Variants in EPHA6 observed in about 807,000 individuals in gnomAD.
The protein encoded by EPHA6 is EPH receptor A6, also known as ephrin type-A receptor 6.
In EPHA6, 50 loss-of-function variants were observed where a neutral mutation model predicts 112.0. The observed-to-expected ratio is 0.45, with a 90% CI of 0.36 to 0.56. EPHA6 has a LOEUF of 0.56. Ranked by LOEUF, EPHA6 falls within the 20% of genes least tolerant of loss-of-function variation. The pLI is 0.00. For synonymous variants in EPHA6, 529 were observed against 490.7 expected (o/e 1.08, Z -1.03); for missense variants, 1,280 against 1,417.4 (o/e 0.90, Z 1.56).
At chr3:97,496,586 A>G (rs1196185846) in intron 10 of EPHA6, among the ~76,000 whole-genome samples, 1 of 152,166 alleles carries the variant, frequency 6.6e-6, no homozygotes. Context: ...CTATAAGAAT[A>G]TCTTCTTCTG....
intron 1 of EPHA6, among the ~76,000 whole-genome samples, chr3:96,815,559 G>T (rs181638462): frequency 1.3e-4 from 20 of 152,252 alleles, no homozygotes; most frequent in Admixed American, 3.9e-4. Flanking sequence ...TCCTAGACCA[G>T]ATGCTCCAGA....
chr3:97,563,450 G>T (rs555433380), intron 11 of EPHA6, among the ~76,000 whole-genome samples: 1 of 152,166 alleles, frequency 6.6e-6, no homozygotes. Context: ...GGTCAGAGAC[G>T]TAAACAGGAG....
intron 1 of EPHA6, among the ~76,000 whole-genome samples, chr3:96,818,763 G>T (rs1354713486): frequency 6.6e-6 from 1 of 151,808 alleles, no homozygotes; most frequent in Admixed American, 6.6e-5. Flanking sequence ...TAAAAATTTT[G>T]TTAAATTAGG....
At position 96,889,835 on chromosome 3, in the gene EPHA6, T is replaced by C. The variant is rs540241302; in HGVS notation, c.450+22946T>C. Among the ~76,000 whole-genome samples, 3 of 152,270 alleles carry C rather than the reference T, an allele frequency of 2.0e-5. No individual in the cohort carries two copies. The South Asian group carries it at 6.2e-4, about 32-fold the overall frequency. On this transcript the variant is annotated intron_variant, in intron 2 of 17. Coordinates refer to ENST00000389672, the MANE Select transcript of EPHA6 (RefSeq NM_001080448.3). ...CAATATTGGTGCAGGGATAGACAAATTTACTAGCAGGAAATACTAGAAAAT... is the reference window on the plus strand; with the variant it reads ...CAATATTGGTGCAGGGATAGACAAACTTACTAGCAGGAAATACTAGAAAAT...
At chr3:97,718,275 GTA>G (rs2107787421) in intron 14 of EPHA6, among the ~76,000 whole-genome samples, 1 of 152,230 alleles carries the variant, frequency 6.6e-6, no homozygotes, top group East Asian at 1.9e-4. Context: ...ACAAGTAGAG[GTA>G]TCCTTACCCC....
At chr3:96,865,114 T>G (rs1017582263) in intron 1 of EPHA6, among the ~76,000 whole-genome samples, 1 of 152,068 alleles carries the variant, frequency 6.6e-6, no homozygotes, top group Admixed American at 6.6e-5. Context: ...AAAAAGTATT[T>G]GAAAATTTCT....
At chr3:97,745,440 A>G in intron 16 of EPHA6, 1 of 439,138 alleles carries the variant, frequency 2.3e-6, no homozygotes, top group Middle Eastern at 3.3e-4. Flanking sequence ...AGTACAGGAA[A>G]AAAGAATGCA....
intron 2 of EPHA6, among the ~76,000 whole-genome samples, chr3:96,970,490 C>T (rs2042276377): frequency 6.6e-6 from 1 of 152,052 alleles, no homozygotes; most frequent in African/African-American, 2.4e-5. Context: ...TAAAAGTTTA[C>T]ATATTTTCCA....
chr3:97,411,355 C>A (rs753177705), intron 6 of EPHA6, among the ~76,000 whole-genome samples: 5 of 151,894 alleles, frequency 3.3e-5, no homozygotes, highest in Non-Finnish European at 7.4e-5. Flanking sequence ...GTATGGTATA[C>A]CCTTATCAAA....
intron 4 of EPHA6, among the ~76,000 whole-genome samples, chr3:97,239,385 C>A (rs924644910): frequency 2.6e-5 from 4 of 151,712 alleles, no homozygotes; most frequent in Non-Finnish European, 5.9e-5. Flanking sequence ...TTAGGGGCAC[C>A]AATCCACTCC....
At chr3:96,947,844 A>G (rs768989233) in intron 2 of EPHA6, among the ~76,000 whole-genome samples, 3 of 152,294 alleles carry the variant, frequency 2.0e-5, no homozygotes, top group Non-Finnish European at 1.5e-5. Context: ...TATAGATTCA[A>G]TGCCATCCCC....
chr3:97,663,322 T>C (rs1402010436), intron 14 of EPHA6, among the ~76,000 whole-genome samples: 1 of 152,030 alleles, frequency 6.6e-6, no homozygotes, highest in East Asian at 1.9e-4. Context: ...AGCCTTTTTT[T>C]TTCTTTTTTT....
chr3:97,466,206 G>GTGC (rs2091046944), intron 7 of EPHA6: 1 of 774,502 alleles, frequency 1.3e-6, no homozygotes, highest in Non-Finnish European at 2.3e-6. Context: ...TATCCATCCA[G>GTGC]TTACCGGGCA....
At chr3:97,176,772 G>T (rs1011463056) in intron 3 of EPHA6, among the ~76,000 whole-genome samples, 1 of 151,190 alleles carries the variant, frequency 6.6e-6, no homozygotes, top group African/African-American at 2.4e-5. Context: ...CATTTATTTG[G>T]ATCTTCTCTT....
rs146691181 is a variant in EPHA6, at chr3:97,542,297, A to G, written c.2386+9754A>G. ...GTGTGATGTTTCCCTTCCTGTGTCC[A>G]TGTGTTCTCATTGTTCAATTCCCAC... On this transcript the variant is annotated intron_variant, in intron 11 of 17. Coordinates refer to ENST00000389672, the MANE Select transcript of EPHA6 (RefSeq NM_001080448.3). 2.2e-3 allele frequency among the ~76,000 whole-genome samples: 335 copies of G among 151,862 alleles called. 2 individuals carry two copies. The highest frequency in any genetic ancestry group is 7.8e-3 in the African/African-American group (324 of 41,408).
intron 5 of EPHA6, among the ~76,000 whole-genome samples, chr3:97,275,241 C>A (rs935295383): frequency 6.6e-6 from 1 of 152,090 alleles, no homozygotes; most frequent in East Asian, 1.9e-4. Flanking sequence ...CAGACACGAT[C>A]AGCAGGGAGA....
chr3:97,179,913 C>T (rs1269440013), intron 3 of EPHA6, among the ~76,000 whole-genome samples: 1 of 152,026 alleles, frequency 6.6e-6, no homozygotes, highest in Non-Finnish European at 1.5e-5. Context: ...TGTGTTCACT[C>T]AAGACCCTGG....
chr3:96,843,122 T>C (rs2034850133), intron 1 of EPHA6, among the ~76,000 whole-genome samples: 1 of 152,122 alleles, frequency 6.6e-6, no homozygotes, highest in South Asian at 2.1e-4. Context: ...ATCTCTTGTT[T>C]TCAGCTTGTC....
At chr3:97,371,195 G>C (rs553361307) in intron 5 of EPHA6, among the ~76,000 whole-genome samples, 1 of 151,724 alleles carries the variant, frequency 6.6e-6, no homozygotes, top group Non-Finnish European at 1.5e-5. Flanking sequence ...TACAATAGAT[G>C]CAAGCTTTAT....
Sources: gnomAD v4.1 joint callset for allele counts (sites outside exome capture counted in the v4.1 genomes callset) on GRCh38, gnomAD v4.1.1 for gene constraint, MANE v1.5 for transcripts, NCBI Gene and HGNC (gene_info 2026-07-23, HGNC 2026-07-21) for gene names.